Variants in LRP6 observed in about 807,000 individuals in gnomAD.
LRP6 encodes the protein low-density lipoprotein receptor-related protein 6.
A neutral mutation model predicts 184.1 loss-of-function variants in LRP6; 43 were observed. That is an observed-to-expected ratio of 0.23 (90% CI 0.18 to 0.30). The LOEUF is 0.30. LRP6 is among the 10% of genes least tolerant of loss of function. The pLI, the probability that LRP6 is intolerant of heterozygous loss-of-function variation, is 1.00. For synonymous variants in LRP6, 719 were observed against 684.9 expected (o/e 1.05, Z -0.78); for missense variants, 1,571 against 2,005.3 (o/e 0.78, Z 4.14).
chr12:12,185,262 G>A (rs534110088), intron 4 of LRP6, among the ~76,000 whole-genome samples: 35 of 152,216 alleles, frequency 2.3e-4, no homozygotes, highest in Admixed American at 9.2e-4. Flanking sequence ...TCACATAAAC[G>A]CACAACAGAG....
intron 7 of LRP6, among the ~76,000 whole-genome samples, chr12:12,167,837 T>C (rs1220459693): frequency 2.0e-5 from 3 of 152,136 alleles, no homozygotes; most frequent in African/African-American, 4.8e-5. Flanking sequence ...TTATTTAATG[T>C]AGTGCTTCAA....
At chr12:12,200,230 C>A (rs1449807464) in intron 3 of LRP6, among the ~76,000 whole-genome samples, 1 of 152,148 alleles carries the variant, frequency 6.6e-6, no homozygotes, top group African/African-American at 2.4e-5. Flanking sequence ...TGTGTTTCCA[C>A]GAGATTTTTT....
intron 7 of LRP6, among the ~76,000 whole-genome samples, chr12:12,178,578 A>G (rs1332021063): frequency 6.6e-6 from 1 of 152,228 alleles, no homozygotes; most frequent in Non-Finnish European, 1.5e-5. Flanking sequence ...TAGGCAATCT[A>G]TATTCAAGCT....
intron 12 of LRP6, 104 bp from the exon 13 acceptor site, chr12:12,151,142 T>C (rs1203183395): frequency 2.8e-6 from 3 of 1,077,084 alleles, no homozygotes; most frequent in African/African-American, 1.6e-5. Context: ...AAAACAGACA[T>C]AGATGTTGAA....
chr12:12,155,804 TG>T, intron 12 of LRP6: 1 of 697,380 alleles, frequency 1.4e-6, no homozygotes, highest in Non-Finnish European at 2.5e-6. Flanking sequence ...ACTTCTGGAC[TG>T]TTAAAAAAAA....
Position 12,123,990 on chromosome 12 carries a change from T to C in LRP6, c.4547+575A>G, listed in dbSNP as rs149002625. Among the ~76,000 whole-genome samples, 6 of 152,302 alleles carry C rather than the reference T, an allele frequency of 3.9e-5. No individual in the cohort carries two copies. In the East Asian group the frequency reaches 1.2e-3, roughly 29 times the overall value. On this transcript the variant is annotated intron_variant, in intron 22 of 22. Coordinates refer to ENST00000261349, the MANE Select transcript of LRP6 (RefSeq NM_002336.3). ...CAAACTATTTTGAAACCAGTCACTT[T>C]GGTGGGTAATTCCTCCTTAGAATAC...
intron 1 of LRP6, among the ~76,000 whole-genome samples, chr12:12,246,671 CAAA>C (rs1214105103): frequency 5.1e-5 from 6 of 117,364 alleles, no homozygotes; most frequent in Non-Finnish European, 9.3e-5. Flanking sequence ...GACCCTGTCT[CAAA>C]AAAAAAAAAA....
intron 2 of LRP6, among the ~76,000 whole-genome samples, chr12:12,233,449 CAG>C (rs1864843711): frequency 6.6e-6 from 1 of 152,056 alleles, no homozygotes; most frequent in Non-Finnish European, 1.5e-5. Context: ...GCCTGGGCAA[CAG>C]AGTCAGACTC....
intron 1 of LRP6, among the ~76,000 whole-genome samples, chr12:12,255,722 A>G (rs1026615334): frequency 6.6e-6 from 1 of 151,714 alleles, no homozygotes; most frequent in African/African-American, 2.4e-5. Context: ...AGGCACCACC[A>G]TGCCTGGCTA....
At chr12:12,232,583 G>A (rs1302000783) in intron 2 of LRP6, among the ~76,000 whole-genome samples, 1 of 86,762 alleles carries the variant, frequency 1.2e-5, no homozygotes. Context: ...AATCCAGCAG[G>A]TGCAAAAAAA....
intron 2 of LRP6, among the ~76,000 whole-genome samples, chr12:12,218,975 A>C (rs569339165): frequency 6.6e-6 from 1 of 152,258 alleles, no homozygotes; most frequent in Admixed American, 6.5e-5. Flanking sequence ...GTGGTTGCTC[A>C]CGCCTGTAAT....
At chr12:12,255,821 C>T (rs914703957) in intron 1 of LRP6, among the ~76,000 whole-genome samples, 8 of 152,014 alleles carry the variant, frequency 5.3e-5, no homozygotes, top group African/African-American at 1.4e-4. Flanking sequence ...TCCTCTGCCA[C>T]GGCCTTCCAA....
chr12:12,120,961 T>A lies in LRP6; in HGVS notation c.*165A>T. 1.9e-6 allele frequency: 1 copy of A among 526,520 alleles called. No individual in the cohort carries two copies. Among genetic ancestry groups the A allele is most frequent in the East Asian group, 3.1e-5 (1 of 32,744 alleles). The allele number at this position is 526,520 out of a possible 1,614,324, so 32.6% of individuals were successfully genotyped here. On this transcript the variant is annotated 3_prime_UTR_variant, in exon 23 of 23. Coordinates refer to ENST00000261349, the MANE Select transcript of LRP6 (RefSeq NM_002336.3). ...TTTAAGAAAATATATAAATATCCTT[T>A]TCTTCTGTACAAATATCTCCAGTAT...
intron 2 of LRP6, among the ~76,000 whole-genome samples, chr12:12,208,450 G>A (rs1393218183): frequency 6.6e-6 from 1 of 152,186 alleles, no homozygotes; most frequent in Non-Finnish European, 1.5e-5. Context: ...ACTATTTCAA[G>A]AAGTTAATTC....
intron 15 of LRP6, among the ~76,000 whole-genome samples, chr12:12,141,680 A>G (rs1949935701): frequency 6.6e-6 from 1 of 152,206 alleles, no homozygotes; most frequent in African/African-American, 2.4e-5. Context: ...GAAGAAACCC[A>G]GAGATGTGAT....
intron 3 of LRP6, among the ~76,000 whole-genome samples, chr12:12,191,592 T>C (rs1046466299): frequency 6.6e-6 from 1 of 152,108 alleles, no homozygotes. Flanking sequence ...ATAACATTCC[T>C]ACAGACAATA....
Position 12,164,365 on chromosome 12 carries a change from C to T in LRP6, c.1960G>A (p.Val654Met), listed in dbSNP as rs768856203. Reference protein sequence around the residue: ...RISLETNNNNVAIPLTGVKEA... With the variant: ...RISLETNNNNMAIPLTGVKEA... ...TTGACACCAGTGAGTGGAATAGCCACATTATTATTGTTTGTTTCCAGAGAA... is the reference window on the plus strand; with the variant it reads ...TTGACACCAGTGAGTGGAATAGCCATATTATTATTGTTTGTTTCCAGAGAA... Residue 654 changes from valine to methionine, a missense_variant, in exon 9 of 23, where the codon GTG (valine) becomes ATG (methionine). Physicochemically the swap from Val to Met is conservative, Grantham distance 21. Around this residue, in one of 4 missense-constraint regions of LRP6, gnomAD observed 640 missense variants for 851.9 expected, o/e 0.75. Transcript: ENST00000261349. 3.1e-6 allele frequency: 5 copies of T among 1,614,138 alleles called. No homozygotes were observed. The highest frequency in any genetic ancestry group is 2.2e-5 in the South Asian group (2 of 91,076).
chr12:12,178,672 T>C, intron 7 of LRP6, among the ~76,000 whole-genome samples: 1 of 152,168 alleles, frequency 6.6e-6, no homozygotes, highest in East Asian at 1.9e-4. Context: ...TGTTAAAAGA[T>C]TCAAACATCA....
intron 15 of LRP6, among the ~76,000 whole-genome samples, chr12:12,144,913 G>A (rs935663862): frequency 9.2e-5 from 14 of 151,504 alleles, no homozygotes; most frequent in Non-Finnish European, 1.5e-5. Flanking sequence ...GGGCCTGTCG[G>A]GGGGTGGGGG....
Sources: allele counts gnomAD v4.1 joint callset (sites outside exome capture counted in the v4.1 genomes callset), GRCh38; gene constraint gnomAD v4.1.1; regional missense constraint gnomAD v4.1.1; transcripts MANE v1.5; gene names NCBI Gene and HGNC (gene_info 2026-07-23, HGNC 2026-07-21).